GALNT13: variants seen among roughly 807,000 people sequenced by gnomAD.
GALNT13 encodes UDP-GalNAc:polypeptide N-acetylgalactosaminyltransferase 13.
Under a neutral mutation model 64.2 loss-of-function variants are expected in GALNT13, and 28 were observed. The ratio of observed to expected loss-of-function variants is 0.44; its 90% CI spans 0.32 to 0.60. GALNT13 has a LOEUF of 0.60. Ranked by LOEUF, GALNT13 falls within the 20% of genes least tolerant of loss-of-function variation. GALNT13 has a pLI of 0.05. For synonymous variants in GALNT13, 214 were observed against 224.6 expected (o/e 0.95, Z 0.42); for missense variants, 577 against 669.8 (o/e 0.86, Z 1.53).
chr2:153,163,817 A>G, the GALNT13 span, among the ~76,000 whole-genome samples: 1 of 152,128 alleles, frequency 6.6e-6, no homozygotes, highest in East Asian at 1.9e-4. Flanking sequence ...CAGGAGATCG[A>G]GACCATCCTG....
the GALNT13 span, chr2:153,761,922 G>C: frequency 5.6e-6 from 1 of 179,628 alleles, no homozygotes; most frequent in Non-Finnish European, 1.2e-5. Flanking sequence ...CTAACTCAAT[G>C]ATAATATCTC....
At chr2:154,133,651 A>G (rs1031878117) in intron 3 of GALNT13, among the ~76,000 whole-genome samples, 23 of 148,176 alleles carry the variant, frequency 1.6e-4, no homozygotes, top group African/African-American at 5.7e-4. Context: ...TCTTTTGATA[A>G]TAGAACTAGA....
intron 8 of GALNT13, among the ~76,000 whole-genome samples, chr2:154,278,987 G>A (rs1225367982): frequency 6.6e-6 from 1 of 151,888 alleles, no homozygotes; most frequent in Non-Finnish European, 1.5e-5. Flanking sequence ...AAATGAATAA[G>A]GAACTAGTTT....
intron 3 of GALNT13, among the ~76,000 whole-genome samples, chr2:154,029,188 CAAAAAA>C (rs10551254): frequency 7.4e-6 from 1 of 134,316 alleles, no homozygotes; most frequent in African/African-American, 2.8e-5. Context: ...TTTTGTAAAT[CAAAAAA>C]AAAAAAAAAA....
At chr2:153,864,232 T>C in the GALNT13 span, among the ~76,000 whole-genome samples, 1 of 152,150 alleles carries the variant, frequency 6.6e-6, no homozygotes, top group Non-Finnish European at 1.5e-5. Context: ...TGAAATATCA[T>C]TGTGGGCTGA....
chr2:154,302,447 TA>T (rs1693497357), intron 9 of GALNT13, among the ~76,000 whole-genome samples: 1 of 152,262 alleles, frequency 6.6e-6, no homozygotes, highest in African/African-American at 2.4e-5. Flanking sequence ...CCTCTTTCTG[TA>T]ATACAATCTA....
intron 9 of GALNT13, among the ~76,000 whole-genome samples, chr2:154,324,534 C>T (rs1694784001): frequency 6.6e-6 from 1 of 151,954 alleles, no homozygotes; most frequent in Non-Finnish European, 1.5e-5. Flanking sequence ...AGCTTTGGTC[C>T]ATGGGGATAG....
At position 153,917,755 on chromosome 2, in the gene GALNT13, T is replaced by C. The variant is rs529500581; in HGVS notation, c.-105+16748T>C. Among the ~76,000 whole-genome samples the C allele has an allele frequency of 4.6e-4, 70 of 152,252 alleles. 1 individual carries two copies. The highest frequency in any genetic ancestry group is 8.1e-4 in the Non-Finnish European group (55 of 68,014). ...TATCAGTCATGTTGCCAGGCAACCT[T>C]AGTCAGTATGAGAGACACCCAATTG... is the stretch of plus-strand genomic sequence containing the variant. On this transcript the variant is annotated intron_variant, in intron 2 of 12. Transcript: ENST00000392825.
At chr2:153,217,786 A>G in the GALNT13 span, among the ~76,000 whole-genome samples, 4 of 152,224 alleles carry the variant, frequency 2.6e-5, no homozygotes, top group Middle Eastern at 3.4e-3. Flanking sequence ...TATATTTCCA[A>G]TATCTGTGTT....
intron 4 of GALNT13, among the ~76,000 whole-genome samples, chr2:154,182,702 T>A (rs1686029844): frequency 6.7e-6 from 1 of 149,162 alleles, no homozygotes; most frequent in Admixed American, 6.7e-5. Flanking sequence ...ATTATATTTG[T>A]ATAACATATA....
At chr2:153,300,101 T>C in the GALNT13 span, among the ~76,000 whole-genome samples, 1 of 152,168 alleles carries the variant, frequency 6.6e-6, no homozygotes, top group Non-Finnish European at 1.5e-5. Context: ...CAAATTACTG[T>C]TACTGAGATT....
In GALNT13 at chr2:154,012,911, G is replaced by A. The variant is rs572418193; in HGVS notation, c.142+68272G>A. Among the ~76,000 whole-genome samples, 8 of 151,846 alleles carry A rather than the reference G, an allele frequency of 5.3e-5. No homozygotes were observed. The South Asian group carries it at 6.2e-4, about 12-fold the overall frequency. ...ATTGTTTTTCAATTCTATCAGATTC[G>A]TTTGTATCTATCTTAAAACGGCCAT... On this transcript the variant is annotated intron_variant, in intron 3 of 12. Transcript: ENST00000392825.
the GALNT13 span, among the ~76,000 whole-genome samples, chr2:153,110,870 G>GA: frequency 2.6e-5 from 4 of 152,158 alleles, no homozygotes; most frequent in Non-Finnish European, 4.4e-5. Flanking sequence ...TGGAGTTTTA[G>GA]AAAAAATCAT....
the GALNT13 span, among the ~76,000 whole-genome samples, chr2:153,565,448 AG>A: frequency 1.2e-4 from 19 of 152,018 alleles, no homozygotes; most frequent in Admixed American, 3.9e-4. Context: ...TCTTTTAGCA[AG>A]GCTTTTTGTC....
chr2:153,709,039 A>T, the GALNT13 span, among the ~76,000 whole-genome samples: 1 of 152,090 alleles, frequency 6.6e-6, no homozygotes, highest in South Asian at 2.1e-4. Flanking sequence ...TACTAGAAGA[A>T]ATCAGGGGAA....
the GALNT13 span, among the ~76,000 whole-genome samples, chr2:153,384,539 AAC>A: frequency 6.6e-6 from 1 of 151,986 alleles, no homozygotes; most frequent in Non-Finnish European, 1.5e-5. Flanking sequence ...CACTCATTCC[AAC>A]TGATTGTTGC....
At chr2:154,151,533 T>G (rs1241028579) in intron 4 of GALNT13, among the ~76,000 whole-genome samples, 3 of 152,306 alleles carry the variant, frequency 2.0e-5, no homozygotes, top group South Asian at 4.1e-4. Flanking sequence ...AGTGGGGTGT[T>G]AAAGTCTCCC....
At chr2:154,313,331 C>T (rs1366453803) in intron 9 of GALNT13, among the ~76,000 whole-genome samples, 1 of 147,626 alleles carries the variant, frequency 6.8e-6, no homozygotes, top group South Asian at 2.1e-4. Context: ...CATACATATA[C>T]ACACTATATA....
At chr2:153,906,664 G>T (rs1292856655) in intron 2 of GALNT13, among the ~76,000 whole-genome samples, 1 of 151,740 alleles carries the variant, frequency 6.6e-6, no homozygotes, top group Non-Finnish European at 1.5e-5. Flanking sequence ...ATTTGGGTTG[G>T]TTCCAAGTCT....
Sources: gnomAD v4.1 joint callset for allele counts (sites outside exome capture counted in the v4.1 genomes callset) on GRCh38, gnomAD v4.1.1 for gene constraint, MANE v1.5 for transcripts, NCBI Gene and HGNC (gene_info 2026-07-23, HGNC 2026-07-21) for gene names.